The following DDX51 variants were observed in gnomAD, a reference collection of about 807,000 sequenced individuals.
The protein encoded by DDX51 is ATP-dependent RNA helicase DDX51.
DDX51 carries 67 observed loss-of-function variants against 74.6 expected under a neutral mutation model. The observed-to-expected ratio is 0.90, with a 90% CI of 0.74 to 1.10. DDX51 has a LOEUF of 1.10. Among genes scored for constraint, DDX51 ranks in the 50% least tolerant of loss-of-function variants. The pLI is 0.00. For synonymous variants in DDX51, 545 were observed against 402.9 expected, an observed-to-expected ratio of 1.35 and a Z score of -4.22; for missense variants, 1,056 against 905.2, an observed-to-expected ratio of 1.17 and a Z score of -2.14.
At chr12:132,139,388 C>T in intron 14 of DDX51, 90 bp from the exon 15 acceptor site, 1 of 1,563,486 alleles carries the variant, frequency 6.4e-7, no homozygotes, top group Admixed American at 1.9e-5. Flanking sequence ...ACCCTGAGGA[C>T]AGGAAGCCCT....
Position 132,143,683 on chromosome 12 carries a change from G to C in DDX51, c.519+12C>G. On this transcript the variant is annotated intron_variant, in intron 2 of 14. Transcript: ENST00000397333. ...TCTCACGCCGACCACCCTCCCGCCC[G>C]CCGAGGCTCACCTTCGGCGCCTTCC... is the stretch of plus-strand genomic sequence containing the variant. 1 of 1,536,738 alleles carries C rather than the reference G, an allele frequency of 6.5e-7. No individual in the cohort carries two copies. The highest frequency in any genetic ancestry group is 1.2e-5 in the South Asian group (1 of 83,966).
At position 132,138,228 on chromosome 12, in the gene DDX51, A is replaced by G. The variant is rs1459417612; in HGVS notation, c.*1044T>C. On this transcript the variant is annotated 3_prime_UTR_variant, in exon 15 of 15. Transcript: ENST00000397333. ...GAGTGACTCTGTGTTTAACGCCCCA[A>G]GGCTTTGCCCAGCTGTCTCCACGTG... is the stretch of plus-strand genomic sequence containing the variant. 8 of 152,354 alleles carry G rather than the reference A, an allele frequency of 5.3e-5. No homozygotes were observed. Among genetic ancestry groups the G allele is most frequent in the Admixed American group, 5.2e-4 (8 of 15,286 alleles). 9.4% of individuals were successfully genotyped at this position (152,354 alleles called of 1,614,324 possible).
In DDX51 at chr12:132,139,133, G is replaced by C; in HGVS notation, c.*139C>G. 7.5e-7 allele frequency: 1 copy of C among 1,336,774 alleles called. No homozygotes were observed. The highest frequency in any genetic ancestry group is 1.0e-6 in the Non-Finnish European group (1 of 980,870). The allele number at this position is 1,336,774 out of a possible 1,614,324, so 82.8% of individuals were successfully genotyped here. A position where few individuals can be genotyped will look rare whatever the true frequency, so the allele number is the denominator to read the frequency against. ...TCTGACGCCCGGGCTGCCTGGCGCA[G>C]AGACCACGTGCTTGGGGAGGAAGGC... is the stretch of plus-strand genomic sequence containing the variant. On this transcript the variant is annotated 3_prime_UTR_variant, in exon 15 of 15. Coordinates refer to ENST00000397333, the MANE Select transcript of DDX51 (RefSeq NM_175066.4).
In DDX51 at chr12:132,139,634, C is replaced by T. The variant is rs940412174; in HGVS notation, c.1974+1G>A. 5 of 1,613,160 alleles carry T rather than the reference C, an allele frequency of 3.1e-6. No homozygotes were observed. Among genetic ancestry groups the T allele is most frequent in the Admixed American group, 3.3e-5 (2 of 60,026 alleles). On this transcript the variant is annotated splice_donor_variant, in intron 14 of 14. Coordinates refer to ENST00000397333, the MANE Select transcript of DDX51 (RefSeq NM_175066.4). LOFTEE classifies it high-confidence loss of function. Reference sequence around the variant, plus strand: ...TTCATGCCGGACTCTGGTGCCCTTACCTTGACAGACTCCTCCAGCTGGGAC... The same window carrying T: ...TTCATGCCGGACTCTGGTGCCCTTATCTTGACAGACTCCTCCAGCTGGGAC...
At chr12:132,143,027 C>T in intron 2 of DDX51, 149 bp from the exon 3 acceptor site, 1 of 1,021,966 alleles carries the variant, frequency 9.8e-7, no homozygotes, top group African/African-American at 1.6e-5. Context: ...TCCATACAGC[C>T]TTCAGAAGTT....
In DDX51 at chr12:132,139,777, G is replaced by A. The variant is rs1897375889; in HGVS notation, c.1840-8C>T. 2.5e-6 allele frequency: 4 copies of A among 1,613,134 alleles called. No individual in the cohort carries two copies. Among genetic ancestry groups the A allele is most frequent in the South Asian group, 1.1e-5 (1 of 91,086 alleles). On this transcript the variant is annotated splice_region_variant and splice_polypyrimidine_tract_variant and intron_variant, in intron 13 of 14. Coordinates refer to ENST00000397333, the MANE Select transcript of DDX51 (RefSeq NM_175066.4). The stretch of plus-strand genomic sequence containing the variant: ...TCGGAGGAATCTCCTCTCCTGGAGA[G>A]AAGCTCATGGTGGAAGGGGGTTCTT...
At position 132,142,104 on chromosome 12, in the gene DDX51, C is replaced by A. The variant is rs758284752; in HGVS notation, c.888+15G>T. 1 of 1,555,360 alleles carries A rather than the reference C, an allele frequency of 6.4e-7. No homozygotes were observed. Among genetic ancestry groups the A allele is most frequent in the African/African-American group, 1.4e-5 (1 of 73,446 alleles). ...AGGCGGGCGGTGCCACGCTCCAGGT[C>A]TAGGGTCCACATACCTGCTGGGCCA... On this transcript the variant is annotated intron_variant, in intron 5 of 14. Transcript: ENST00000397333.
Position 132,141,504 on chromosome 12 carries a change from G to A in DDX51, c.1098C>T (p.Arg366=). ...QTPGFSLQQL[R]FLIIDEADRM... is the part of the protein sequence containing the mutation. ...CCCTGGGGCGGGGACCTACCAGGAAGCGGAGCTGCTGGAGGCTGAATCCTG... is the reference window on the plus strand; with the variant it reads ...CCCTGGGGCGGGGACCTACCAGGAAACGGAGCTGCTGGAGGCTGAATCCTG... Residue 366 remains arginine, a synonymous_variant, in exon 7 of 15, where the codon CGC becomes CGT. Coordinates refer to ENST00000397333, the MANE Select transcript of DDX51 (RefSeq NM_175066.4). 1.3e-6 allele frequency: 2 copies of A among 1,591,682 alleles called. No individual in the cohort carries two copies. Among genetic ancestry groups the A allele is most frequent in the African/African-American group, 2.7e-5 (2 of 74,712 alleles).
intron 2 of DDX51, chr12:132,143,318 G>A: frequency 4.7e-6 from 2 of 426,604 alleles, no homozygotes; most frequent in South Asian, 5.0e-5. Flanking sequence ...TTCTTCACCT[G>A]TCTCGCCGGA....
In DDX51 at chr12:132,141,588, G is replaced by A; in HGVS notation, c.1014C>T (p.Cys338=). The A allele has an allele frequency of 6.3e-7, 1 of 1,599,668 alleles. No homozygotes were observed. Among genetic ancestry groups the A allele is most frequent in the Middle Eastern group, 1.7e-4 (1 of 6,012 alleles). ...GGGTGGCTACCACGATGTCAGCCAAGCAGCGGTACCCATCAGCTCTACAGA... is the reference window on the plus strand; with the variant it reads ...GGGTGGCTACCACGATGTCAGCCAAACAGCGGTACCCATCAGCTCTACAGA... The part of the protein sequence containing the change: ...LVQKTADGYR[C]LADIVVATPG... The change falls in exon 7 of 15, where the codon TGC becomes TGT. Residue 338 remains cysteine, a synonymous_variant. Coordinates refer to ENST00000397333, the MANE Select transcript of DDX51 (RefSeq NM_175066.4).
chr12:132,141,738 C>G (rs769235366), intron 6 of DDX51, 112 bp downstream of exon 6: 1 of 1,462,348 alleles, frequency 6.8e-7, no homozygotes, highest in Non-Finnish European at 9.3e-7. Context: ...CTCCTCTTCA[C>G]GGGAACAGGT....
At position 132,137,035 on chromosome 12, in the gene DDX51, G is replaced by C. The variant is rs1288659247; in HGVS notation, c.*2237C>G. 4 of 152,206 alleles carry C rather than the reference G, an allele frequency of 2.6e-5. No homozygotes were observed. The highest frequency in any genetic ancestry group is 2.6e-4 in the Admixed American group (4 of 15,276). 9.4% of individuals were successfully genotyped at this position (152,206 alleles called of 1,614,324 possible). ...GATGTCTTGTCCTCCCAGGGCCCAGGGTTTTAGCTGGGACAAGGTGTGCTA... is the reference window on the plus strand; with the variant it reads ...GATGTCTTGTCCTCCCAGGGCCCAGCGTTTTAGCTGGGACAAGGTGTGCTA... On this transcript the variant is annotated 3_prime_UTR_variant, in exon 15 of 15. Coordinates refer to ENST00000397333, the MANE Select transcript of DDX51 (RefSeq NM_175066.4).
At chr12:132,141,667 A>AC in intron 6 of DDX51, 61 bp from the exon 7 acceptor site, 6 of 1,519,288 alleles carry the variant, frequency 3.9e-6, no homozygotes, top group Non-Finnish European at 4.4e-6. Flanking sequence ...GGATAGCAAG[A>AC]CGCTGCCTCA....
chr12:132,139,405 G>T (rs552113255), intron 14 of DDX51, 107 bp from the exon 15 acceptor site: 1 of 1,544,104 alleles, frequency 6.5e-7, no homozygotes. Context: ...CCCTGTGCAT[G>T]CAGAAACCAG....
At chr12:132,140,026 G>T in intron 12 of DDX51, 72 bp downstream of exon 12, 1 of 1,606,820 alleles carries the variant, frequency 6.2e-7, no homozygotes, top group Non-Finnish European at 8.5e-7. Flanking sequence ...CGCCAGTCAA[G>T]ACGGTCCCAC....
intron 2 of DDX51, 34 bp from the exon 3 acceptor site, chr12:132,142,912 G>A (rs781277996): frequency 1.6e-5 from 26 of 1,610,280 alleles, no homozygotes; most frequent in South Asian, 2.2e-5. Flanking sequence ...CCAGGTGAGC[G>A]CTTTCCAGGC....
intron 12 of DDX51, 59 bp downstream of exon 12, chr12:132,140,039 C>A (rs1423814824): frequency 6.2e-7 from 1 of 1,606,036 alleles, no homozygotes; most frequent in African/African-American, 1.3e-5. Context: ...GGTCCCACAT[C>A]AACGCCCAGG....
chr12:132,142,305 G>A lies in DDX51; in HGVS notation c.788C>T (p.Thr263Ile), dbSNP rs1295784337. 1.9e-6 allele frequency: 3 copies of A among 1,613,140 alleles called. No individual in the cohort carries two copies. Among genetic ancestry groups the A allele is most frequent in the East Asian group, 2.2e-5 (1 of 44,888 alleles). Residue 263 changes from threonine to isoleucine, a missense_variant, in exon 4 of 15, where the codon ACA becomes ATA. Thr to Ile is a moderately conservative substitution (Grantham distance 89). Transcript: ENST00000397333. ...CACCACAGGGATGACGAAGGCCAGT[G>A]TCTTCCCACTGCCTGTTGGGGCAGA... Reference protein sequence around the residue: ...CVSAPTGSGKTLAFVIPVVQA... With the variant: ...CVSAPTGSGKILAFVIPVVQA...
At chr12:132,143,416 G>A in intron 2 of DDX51, 1 of 554,316 alleles carries the variant, frequency 1.8e-6, no homozygotes, top group Non-Finnish European at 3.2e-6. Flanking sequence ...TCCTGAGGCG[G>A]TGAGCGCACA....
Sources: gnomAD v4.1 joint callset for allele counts on GRCh38, gnomAD v4.1.1 for gene constraint, MANE v1.5 for transcripts, NCBI Gene and HGNC (gene_info 2026-07-23, HGNC 2026-07-21) for gene names.